Variants in ARHGAP29 observed in about 807,000 individuals in gnomAD.
ARHGAP29 encodes Rho GTPase activating protein 29.
A neutral mutation model predicts 122.6 loss-of-function variants in ARHGAP29; 43 were observed. The observed-to-expected ratio is 0.35, with a 90% CI of 0.27 to 0.45. The LOEUF (loss-of-function observed/expected upper bound fraction) is 0.45. Ranked by LOEUF, ARHGAP29 falls within the 20% of genes least tolerant of loss-of-function variation. ARHGAP29 has a pLI of 1.00. For synonymous variants in ARHGAP29, 506 were observed against 497.1 expected (o/e 1.02, Z -0.24); for missense variants, 1,303 against 1,477.2 (o/e 0.88, Z 1.93).
At chr1:94,268,335 C>G (rs1431828611) in intron 1 of ARHGAP29, among the ~76,000 whole-genome samples, 1 of 151,980 alleles carries the variant, frequency 6.6e-6, no homozygotes, top group African/African-American at 2.4e-5. Context: ...CTGCAAGCTT[C>G]TACCTTCTCC....
At chr1:94,241,391 G>A (rs960441473), upstream of ARHGAP29, among the ~76,000 whole-genome samples, 5 of 152,048 alleles carry the variant, frequency 3.3e-5, no homozygotes, top group Admixed American at 2.6e-4. Flanking sequence ...CGAGGCGGGC[G>A]GATCACCTGA....
At position 94,220,331 on chromosome 1, in the gene ARHGAP29, T is replaced by C. The variant is rs1329602255; in HGVS notation, c.267A>G (p.Ile89Met). The change falls in exon 3 of 23, where the codon ATA becomes ATG. Residue 89 changes from isoleucine to methionine, a missense_variant. Around this residue, in one of 3 missense-constraint regions of ARHGAP29, gnomAD observed 592 missense variants for 648.2 expected, o/e 0.91. Coordinates refer to ENST00000260526, the MANE Select transcript of ARHGAP29 (RefSeq NM_004815.4). ...LEELLRVLKSIMNKHQNLNSV... is the reference protein window; with the variant it reads ...LEELLRVLKSMMNKHQNLNSV... Reference sequence around the variant, plus strand: ...AATTGAGGTTCTGATGTTTATTCATTATAGACTTTAAAACACGGAGCAGTT... The same window carrying C: ...AATTGAGGTTCTGATGTTTATTCATCATAGACTTTAAAACACGGAGCAGTT... The C allele has an allele frequency of 3.1e-6, 5 of 1,613,200 alleles. No individual in the cohort carries two copies. Among genetic ancestry groups the C allele is most frequent in the Non-Finnish European group, 4.2e-6 (5 of 1,179,312 alleles).
intron 3 of ARHGAP29, among the ~76,000 whole-genome samples, chr1:94,218,262 T>C (rs7513633): frequency 0.94 from 143,585 of 152,264 alleles, 68,319 homozygotes; most frequent in East Asian, 1. Flanking sequence ...CTCATAGAGT[T>C]CTACCAAACA....
At position 94,204,461 on chromosome 1, in the gene ARHGAP29, T is replaced by C. The variant is rs1570534366; in HGVS notation, c.698-467A>G. 3.3e-5 allele frequency among the ~76,000 whole-genome samples: 5 copies of C among 152,342 alleles called. No individual in the cohort carries two copies. The South Asian group carries it at 1.0e-3, about 32-fold the overall frequency. ...GGTGATTCTGATTAGCATTCTCTATTATAAGCAAATAATACAGTAGAAAGA... is the reference window on the plus strand; with the variant it reads ...GGTGATTCTGATTAGCATTCTCTATCATAAGCAAATAATACAGTAGAAAGA... On this transcript the variant is annotated intron_variant, in intron 7 of 22. Transcript: ENST00000260526.
At chr1:94,284,383 A>G in the ARHGAP29 span, among the ~76,000 whole-genome samples, 1 of 152,338 alleles carries the variant, frequency 6.6e-6, no homozygotes, top group South Asian at 2.1e-4. Flanking sequence ...TTATAATTTT[A>G]CAAATGATAA....
At chr1:94,181,324 C>G (rs76309066) in intron 19 of ARHGAP29, among the ~76,000 whole-genome samples, 2 of 152,334 alleles carry the variant, frequency 1.3e-5, no homozygotes, top group East Asian at 3.9e-4. Context: ...TGAGCAGCCT[C>G]TTCCCGAGAA....
the ARHGAP29 span, chr1:94,302,025 T>C: frequency 4.6e-6 from 1 of 217,178 alleles, no homozygotes; most frequent in Admixed American, 4.8e-5. Context: ...ACCAGCTATG[T>C]CCCTGAAACA....
At chr1:94,246,046 A>C (rs1040110383) in intron 1 of ARHGAP29, among the ~76,000 whole-genome samples, 2 of 152,232 alleles carry the variant, frequency 1.3e-5, no homozygotes, top group African/African-American at 4.8e-5. Flanking sequence ...CATCTCAGCC[A>C]AAGTTCTATT....
intron 2 of ARHGAP29, among the ~76,000 whole-genome samples, chr1:94,221,634 TA>T (rs1300300003): frequency 3.3e-5 from 5 of 150,748 alleles, no homozygotes; most frequent in Non-Finnish European, 7.4e-5. Flanking sequence ...TATACATACA[TA>T]TGTACATATA....
intron 19 of ARHGAP29, among the ~76,000 whole-genome samples, chr1:94,181,362 T>C (rs1649447623): frequency 6.6e-6 from 1 of 152,130 alleles, no homozygotes; most frequent in Non-Finnish European, 1.5e-5. Context: ...CCGGGCAGTA[T>C]AAAACAGAGA....
upstream of ARHGAP29, among the ~76,000 whole-genome samples, chr1:94,238,323 C>A (rs1323334579): frequency 6.6e-6 from 1 of 151,984 alleles, no homozygotes; most frequent in African/African-American, 2.4e-5. Context: ...CCCGCCTCAG[C>A]CTCCCAAAGT....
upstream of ARHGAP29, among the ~76,000 whole-genome samples, chr1:94,242,427 T>C (rs924917018): frequency 2.0e-5 from 3 of 152,044 alleles, no homozygotes; most frequent in Non-Finnish European, 2.9e-5. Context: ...TTATAACATA[T>C]ACAGAAGCAA....
the ARHGAP29 span, among the ~76,000 whole-genome samples, chr1:94,311,544 G>A: frequency 6.6e-6 from 1 of 152,212 alleles, no homozygotes; most frequent in South Asian, 2.1e-4. Context: ...AGGGGTAAGA[G>A]AAAAATGGGG....
chr1:94,237,772 C>T (rs1363645905), upstream of ARHGAP29: 24 of 985,304 alleles, frequency 2.4e-5, no homozygotes, highest in South Asian at 8.5e-4. Flanking sequence ...GCTGTCCCAG[C>T]ATCACGGGCT....
At chr1:94,311,863 C>T in the ARHGAP29 span, among the ~76,000 whole-genome samples, 1 of 152,220 alleles carries the variant, frequency 6.6e-6, no homozygotes, top group African/African-American at 2.4e-5. Context: ...CAATGCAAGG[C>T]TCCTTCTGTA....
At chr1:94,227,127 C>CA (rs1250128035) in intron 2 of ARHGAP29, among the ~76,000 whole-genome samples, 12 of 113,208 alleles carry the variant, frequency 1.1e-4, no homozygotes, top group Non-Finnish European at 2.2e-4. Flanking sequence ...TTAAACTTTT[C>CA]ATTTAATGAA....
intron 20 of ARHGAP29, among the ~76,000 whole-genome samples, chr1:94,178,914 G>A (rs1211614921): frequency 1.3e-5 from 2 of 152,078 alleles, no homozygotes; most frequent in Non-Finnish European, 2.9e-5. Context: ...CTGTGACTTT[G>A]TGCCTGGAAT....
At chr1:94,280,069 A>T in the ARHGAP29 span, among the ~76,000 whole-genome samples, 2 of 54,452 alleles carry the variant, frequency 3.7e-5, no homozygotes, top group Admixed American at 1.8e-4. Context: ...ATATATAAAT[A>T]TATATAACAT....
the ARHGAP29 span, among the ~76,000 whole-genome samples, chr1:94,294,771 A>T: frequency 6.6e-6 from 1 of 152,184 alleles, no homozygotes; most frequent in African/African-American, 2.4e-5. Context: ...AAAGCATGGA[A>T]CCCTGGAAAA....
Sources: allele counts gnomAD v4.1 joint callset (sites outside exome capture counted in the v4.1 genomes callset), GRCh38; gene constraint gnomAD v4.1.1; regional missense constraint gnomAD v4.1.1; transcripts MANE v1.5; gene names NCBI Gene and HGNC (gene_info 2026-07-23, HGNC 2026-07-21).